ZNF253: variants seen among roughly 807,000 people sequenced by gnomAD.
ZNF253 encodes DNA-binding protein.
A neutral mutation model predicts 11.9 loss-of-function variants in ZNF253; 8 were observed. That is an observed-to-expected ratio of 0.67 (90% CI 0.40 to 1.22). The LOEUF (loss-of-function observed/expected upper bound fraction) is 1.22, where lower values mean the gene tolerates loss of function less well. ZNF253 is among the 50% of genes most tolerant of loss of function. The pLI, the probability that ZNF253 is intolerant of heterozygous loss-of-function variation, is 0.01. For missense variants in ZNF253, 485 were observed against 586.9 expected, an observed-to-expected ratio of 0.83 and a Z score of 1.79; for synonymous variants, 194 against 194.9, an observed-to-expected ratio of 1.00 and a Z score of 0.04.
intron 3 of ZNF253, among the ~76,000 whole-genome samples, chr19:19,884,035 C>G (rs915787089): frequency 1.6e-4 from 20 of 122,884 alleles, no homozygotes; most frequent in African/African-American, 5.9e-4. Flanking sequence ...CCAGCCTGGT[C>G]AACAAGAGTG....
intron 3 of ZNF253, among the ~76,000 whole-genome samples, chr19:19,891,062 G>C (rs1238797743): frequency 6.6e-6 from 1 of 151,530 alleles, no homozygotes; most frequent in African/African-American, 2.4e-5. Flanking sequence ...GGCTGGTCTT[G>C]AACTCCCGAC....
Position 19,865,935 on chromosome 19 carries a change from C to G in ZNF253, c.-62C>G. ...CTTATAGAGGCCCGTCCTCTGTGGC[C>G]GTGTGACCTGCAAGTATTGGGAGAG... On this transcript the variant is annotated 5_prime_UTR_variant, in exon 1 of 4. Coordinates refer to ENST00000589717, the MANE Select transcript of ZNF253 (RefSeq NM_021047.3). 6.2e-7 allele frequency: 1 copy of G among 1,609,380 alleles called. No homozygotes were observed. Among genetic ancestry groups the G allele is most frequent in the Non-Finnish European group, 8.5e-7 (1 of 1,175,714 alleles).
intron 1 of ZNF253, among the ~76,000 whole-genome samples, chr19:19,875,337 C>CA (rs2063150501): frequency 6.6e-6 from 1 of 151,982 alleles, no homozygotes; most frequent in African/African-American, 2.4e-5. Flanking sequence ...CCTCAAGTCA[C>CA]AAAAAAAGAA....
intron 3 of ZNF253, among the ~76,000 whole-genome samples, chr19:19,887,769 A>AT (rs3062903): frequency 0.081 from 10,010 of 124,320 alleles, 870 homozygotes; most frequent in African/African-American, 0.22. Flanking sequence ...TTGATTTTTA[A>AT]TTTTTTTTTT....
At chr19:19,874,988 A>G (rs2063149326) in intron 1 of ZNF253, among the ~76,000 whole-genome samples, 1 of 152,182 alleles carries the variant, frequency 6.6e-6, no homozygotes, top group South Asian at 2.1e-4. Context: ...CAAAACTGGA[A>G]GTACCCTAGT....
chr19:19,872,561 C>CTA (rs58650123), intron 1 of ZNF253, among the ~76,000 whole-genome samples: 1,734 of 121,894 alleles, frequency 0.014, 44 homozygotes, highest in East Asian at 0.054. Context: ...TAAACCATAA[C>CTA]TATATATATA....
At chr19:19,881,722 C>G (rs2063178620) in intron 3 of ZNF253, among the ~76,000 whole-genome samples, 1 of 150,306 alleles carries the variant, frequency 6.7e-6, no homozygotes, top group Admixed American at 6.6e-5. Flanking sequence ...TGCTAATTTA[C>G]TGACTGTATT....
Position 19,892,035 on chromosome 19 carries a change from A to G in ZNF253, c.788A>G (p.Lys263Arg). Residue 263 changes from lysine (K) to arginine (R), a missense_variant, in exon 4 of 4, where the codon AAA (lysine) becomes AGA (arginine). Physicochemically the swap from Lys to Arg is conservative, Grantham distance 26. Around this residue, in one of 3 missense-constraint regions of ZNF253, gnomAD observed 232 missense variants for 321.4 expected, o/e 0.72. Coordinates refer to ENST00000589717, the MANE Select transcript of ZNF253 (RefSeq NM_021047.3). ...CCCTACAAATGTGAAGAATGTGGCA[A>G]AGCCTTCAACCGATCCACAGACCTT... is the stretch of plus-strand genomic sequence containing the variant. ...EKPYKCEECG[K>R]AFNRSTDLTT... The G allele has an allele frequency of 6.2e-7, 1 of 1,613,882 alleles. No homozygotes were observed. The highest frequency in any genetic ancestry group is 8.5e-7 in the Non-Finnish European group (1 of 1,179,978).
At position 19,891,528 on chromosome 19, in the gene ZNF253, T is replaced by C. The variant is rs748374749; in HGVS notation, c.281T>C (p.Phe94Ser). The C allele has an allele frequency of 1.7e-5, 28 of 1,612,616 alleles. No individual in the cohort carries two copies. In the Admixed American group the frequency reaches 4.0e-4, roughly 23 times the overall value. ...DLWPENIQNS[F>S]QIGMLRRYEE... The stretch of plus-strand genomic sequence containing the variant: ...TGGCCAGAGAACATACAAAATTCTT[T>C]CCAAATAGGGATGCTGAGAAGATAT... The change falls in exon 4 of 4, where the codon TTC becomes TCC. Residue 94 changes from phenylalanine to serine, a missense_variant. By Grantham distance (155) the Phe-to-Ser change is radical. This residue lies in a region of ZNF253 where 218 missense variants were observed against 213.1 expected (regional missense o/e 1.02). Coordinates refer to ENST00000589717, the MANE Select transcript of ZNF253 (RefSeq NM_021047.3).
intron 1 of ZNF253, among the ~76,000 whole-genome samples, chr19:19,876,022 T>C (rs561610928): frequency 1.2e-4 from 19 of 152,256 alleles, no homozygotes; most frequent in Non-Finnish European, 2.8e-4. Flanking sequence ...CTGTTTCTTC[T>C]GTAAACTTTA....
At chr19:19,869,086 A>G (rs1468006932) in intron 1 of ZNF253, among the ~76,000 whole-genome samples, 1 of 152,150 alleles carries the variant, frequency 6.6e-6, no homozygotes, top group African/African-American at 2.4e-5. Context: ...ATTTGTTTAG[A>G]TAAAAGCTCA....
At chr19:19,873,549 A>G (rs751183205) in intron 1 of ZNF253, among the ~76,000 whole-genome samples, 1 of 152,136 alleles carries the variant, frequency 6.6e-6, no homozygotes, top group Non-Finnish European at 1.5e-5. Context: ...GAAATGAGTC[A>G]TCCTGTGTTT....
chr19:19,886,202 A>G (rs1308896987), intron 3 of ZNF253, among the ~76,000 whole-genome samples: 1 of 152,164 alleles, frequency 6.6e-6, no homozygotes, highest in Non-Finnish European at 1.5e-5. Context: ...TGTGTTGCCC[A>G]GGCTGGTTTC....
rs943416443 is a variant in ZNF253, at chr19:19,877,290, A to G, written c.4-1191A>G. Among the ~76,000 whole-genome samples, 5 of 152,378 alleles carry G rather than the reference A, an allele frequency of 3.3e-5. No individual in the cohort carries two copies. In the East Asian group the frequency reaches 5.8e-4, roughly 18 times the overall value. On this transcript the variant is annotated intron_variant, in intron 1 of 3. Transcript: ENST00000589717. The stretch of plus-strand genomic sequence containing the variant: ...GTTATCTATATTTTGAAGTTAGCAT[A>G]AAACATGTTTCTTTATGGTTAAATT...
intron 1 of ZNF253, among the ~76,000 whole-genome samples, chr19:19,876,194 A>G (rs2063155321): frequency 6.6e-6 from 1 of 152,230 alleles, no homozygotes; most frequent in Admixed American, 6.5e-5. Flanking sequence ...CAACATCAGC[A>G]TTGACAGAGA....
At position 19,892,483 on chromosome 19, in the gene ZNF253, C is replaced by T. The variant is rs878874073; in HGVS notation, c.1236C>T (p.Ser412=). Residue 412 remains serine (S), a synonymous_variant, in exon 4 of 4, where the codon TCC becomes TCT. Transcript: ENST00000589717. The part of the protein sequence containing the change: ...GKTFTWPSIL[S]KHKRTHTGEK... ...CCTTTACCTGGCCCTCAATCCTCTCCAAACATAAAAGAACTCATACTGGAG... is the reference window on the plus strand; with the variant it reads ...CCTTTACCTGGCCCTCAATCCTCTCTAAACATAAAAGAACTCATACTGGAG... 2 of 1,608,292 alleles carry T rather than the reference C, an allele frequency of 1.2e-6. No individual in the cohort carries two copies. The highest frequency in any genetic ancestry group is 1.7e-6 in the Non-Finnish European group (2 of 1,178,258).
At chr19:19,890,050 T>C (rs915909194) in intron 3 of ZNF253, among the ~76,000 whole-genome samples, 4 of 152,342 alleles carry the variant, frequency 2.6e-5, no homozygotes, top group Middle Eastern at 3.4e-3. Flanking sequence ...TTTGTATACA[T>C]TGTAATCTTT....
rs557633004 is a variant in ZNF253, at chr19:19,874,391, G to A, written c.4-4090G>A. ...ATACAAAAATTAGCTAGGCATGGCGGCACACGCTTGTAGTTTCAGCTACTC... is the reference window on the plus strand; with the variant it reads ...ATACAAAAATTAGCTAGGCATGGCGACACACGCTTGTAGTTTCAGCTACTC... On this transcript the variant is annotated intron_variant, in intron 1 of 3. Coordinates refer to ENST00000589717, the MANE Select transcript of ZNF253 (RefSeq NM_021047.3). Among the ~76,000 whole-genome samples, 5 of 152,150 alleles carry A rather than the reference G, an allele frequency of 3.3e-5. No homozygotes were observed. In the East Asian group the frequency reaches 9.8e-4, roughly 30 times the overall value.
At chr19:19,874,492 C>G (rs1298364939) in intron 1 of ZNF253, among the ~76,000 whole-genome samples, 1 of 152,022 alleles carries the variant, frequency 6.6e-6, no homozygotes, top group African/African-American at 2.4e-5. Flanking sequence ...CCAGTGCGCT[C>G]CAGCCTGGGC....
Sources: gnomAD v4.1 joint callset for allele counts (sites outside exome capture counted in the v4.1 genomes callset) on GRCh38, gnomAD v4.1.1 for gene constraint, gnomAD v4.1.1 regional missense constraint, MANE v1.5 for transcripts, NCBI Gene and HGNC (gene_info 2026-07-23, HGNC 2026-07-21) for gene names.